The following GTF2F2 variants were observed in gnomAD, a reference collection of about 807,000 sequenced individuals.
GTF2F2 encodes general transcription factor IIF subunit 2.
Under a neutral mutation model 42.2 loss-of-function variants are expected in GTF2F2, and 23 were observed. The ratio of observed to expected loss-of-function variants is 0.55; its 90% CI spans 0.39 to 0.77. GTF2F2 has a LOEUF of 0.77. Ranked by LOEUF, GTF2F2 falls within the 30% of genes least tolerant of loss-of-function variation. The probability of loss-of-function intolerance (pLI) is 0.00; values close to 1 mark genes in which losing one functional copy is unlikely to be tolerated. For synonymous variants in GTF2F2, 105 were observed against 100.8 expected (o/e 1.04, Z -0.25); for missense variants, 261 against 287.2 (o/e 0.91, Z 0.66).
chr13:45,139,469 T>C (rs1869809418), intron 2 of GTF2F2, among the ~76,000 whole-genome samples: 2 of 152,182 alleles, frequency 1.3e-5, no homozygotes, highest in African/African-American at 2.4e-5. Flanking sequence ...TATTCTTCTG[T>C]TTTTTCTCTC....
chr13:45,248,609 G>A (rs1419719976), intron 5 of GTF2F2, among the ~76,000 whole-genome samples: 3 of 152,074 alleles, frequency 2.0e-5, no homozygotes, highest in Non-Finnish European at 4.4e-5. Flanking sequence ...GAGTAGCTGG[G>A]ATTACAGGCG....
intron 1 of GTF2F2, among the ~76,000 whole-genome samples, chr13:45,121,880 G>T (rs1868653681): frequency 6.6e-6 from 1 of 151,956 alleles, no homozygotes; most frequent in Admixed American, 6.6e-5. Flanking sequence ...CTCTCCAGCA[G>T]CATGTTACTT....
chr13:45,244,383 A>T (rs1875479620), intron 5 of GTF2F2, among the ~76,000 whole-genome samples: 1 of 152,180 alleles, frequency 6.6e-6, no homozygotes, highest in African/African-American at 2.4e-5. Context: ...TATTGAGATG[A>T]TATAGGAAAA....
intron 4 of GTF2F2, among the ~76,000 whole-genome samples, chr13:45,205,628 C>T (rs1482352174): frequency 2.0e-5 from 3 of 151,972 alleles, no homozygotes. Flanking sequence ...CAAGCGATTC[C>T]CTTGCCTCAG....
chr13:45,234,185 A>T lies in GTF2F2; in HGVS notation c.387-18686A>T, dbSNP rs117786001. Among the ~76,000 whole-genome samples, 39 of 152,352 alleles carry T rather than the reference A, an allele frequency of 2.6e-4. No homozygotes were observed. In the East Asian group the frequency reaches 7.1e-3, roughly 28 times the overall value. On this transcript the variant is annotated intron_variant, in intron 5 of 7. Transcript: ENST00000340473. ...CCATCCATGCATGTTGATGATGCAG[A>T]AAACATTTTTATACATTTGTTTTGG...
Position 45,149,884 on chromosome 13 carries a change from C to T in GTF2F2, c.159+96C>T, listed in dbSNP as rs1180513824. The T allele has an allele frequency of 4.3e-6, 5 of 1,163,380 alleles. No homozygotes were observed. The East Asian group carries it at 1.4e-4, about 32-fold the overall frequency. The allele number at this position is 1,163,380 out of a possible 1,614,324, so 72.1% of individuals were successfully genotyped here. A position where few individuals can be genotyped will look rare whatever the true frequency, so the allele number is the denominator to read the frequency against. On this transcript the variant is annotated intron_variant, in intron 3 of 7. Transcript: ENST00000340473. ...AGTGTTTGAATTTTGGAAAACTCCACATCAAGTGCATGGCTGATGGTTAAG... is the reference window on the plus strand; with the variant it reads ...AGTGTTTGAATTTTGGAAAACTCCATATCAAGTGCATGGCTGATGGTTAAG...
intron 2 of GTF2F2, among the ~76,000 whole-genome samples, chr13:45,142,684 A>G (rs774296553): frequency 7.9e-5 from 12 of 152,200 alleles, no homozygotes; most frequent in Non-Finnish European, 1.5e-4. Flanking sequence ...GACTGCTATG[A>G]AAATGCTTGA....
At chr13:45,220,761 T>C (rs972309917) in intron 5 of GTF2F2, 3 of 152,160 alleles carry the variant, frequency 2.0e-5, no homozygotes, top group Admixed American at 6.5e-5. Context: ...TAAGAGTCAC[T>C]GATCGAGTGT....
At chr13:45,212,463 C>CTTTTCTTTTCTTTTCTTTTCT (rs376424917) in intron 5 of GTF2F2, among the ~76,000 whole-genome samples, 2,798 of 27,390 alleles carry the variant, frequency 0.1, 220 homozygotes, top group Middle Eastern at 0.2. Flanking sequence ...TTCTTTCTTT[C>CTTTTCTTTTCTTTTCTTTTCT]TTTCTTTCTT....
intron 4 of GTF2F2, among the ~76,000 whole-genome samples, chr13:45,169,238 G>A (rs1019553776): frequency 1.1e-4 from 16 of 152,070 alleles, no homozygotes; most frequent in Non-Finnish European, 1.6e-4. Flanking sequence ...GTAAAGAGGC[G>A]ATGAATTTAA....
chr13:45,182,313 G>T (rs1414263993), intron 4 of GTF2F2, among the ~76,000 whole-genome samples: 1 of 151,950 alleles, frequency 6.6e-6, no homozygotes, highest in Non-Finnish European at 1.5e-5. Context: ...GCTACGCCCG[G>T]CTAACTTTTG....
chr13:45,219,244 G>T (rs1261109738), intron 5 of GTF2F2: 1 of 152,094 alleles, frequency 6.6e-6, no homozygotes, highest in African/African-American at 2.4e-5. Flanking sequence ...CCAAGGTCAT[G>T]ATTTGTAAAT....
chr13:45,221,846 T>C (rs1213842963), intron 5 of GTF2F2, among the ~76,000 whole-genome samples: 1 of 152,034 alleles, frequency 6.6e-6, no homozygotes, highest in Non-Finnish European at 1.5e-5. Context: ...ACAGCAGCCA[T>C]AGTTGCCACC....
At chr13:45,143,766 A>C (rs894255986) in intron 2 of GTF2F2, among the ~76,000 whole-genome samples, 1 of 152,178 alleles carries the variant, frequency 6.6e-6, no homozygotes, top group Non-Finnish European at 1.5e-5. Flanking sequence ...CTCTTCCTGA[A>C]TTTGGTTCTG....
intron 5 of GTF2F2, among the ~76,000 whole-genome samples, chr13:45,224,481 C>T (rs1225502767): frequency 6.6e-6 from 1 of 152,084 alleles, no homozygotes; most frequent in African/African-American, 2.4e-5. Flanking sequence ...GCTGAGATGC[C>T]CTTTTTTCCC....
At chr13:45,258,757 G>A (rs749364544) in intron 6 of GTF2F2, among the ~76,000 whole-genome samples, 2 of 151,996 alleles carry the variant, frequency 1.3e-5, no homozygotes, top group Admixed American at 6.6e-5. Flanking sequence ...TTTTTATCTT[G>A]TGTATGCTTA....
intron 2 of GTF2F2, among the ~76,000 whole-genome samples, chr13:45,146,090 C>T (rs576203831): frequency 6.6e-6 from 1 of 152,260 alleles, no homozygotes; most frequent in Admixed American, 6.5e-5. Flanking sequence ...CTCTTCACCC[C>T]ATTTGGACTA....
chr13:45,222,812 A>T (rs1874172807), intron 5 of GTF2F2, among the ~76,000 whole-genome samples: 1 of 152,196 alleles, frequency 6.6e-6, no homozygotes, highest in African/African-American at 2.4e-5. Context: ...TTTCAAAAAG[A>T]TAAATACTAA....
At chr13:45,269,458 C>T (rs1320895842) in intron 7 of GTF2F2, among the ~76,000 whole-genome samples, 1 of 152,168 alleles carries the variant, frequency 6.6e-6, no homozygotes, top group Non-Finnish European at 1.5e-5. Flanking sequence ...GCATGGATTC[C>T]AGTCCATTGA....
Sources: gnomAD v4.1 joint callset for allele counts (sites outside exome capture counted in the v4.1 genomes callset) on GRCh38, gnomAD v4.1.1 for gene constraint, MANE v1.5 for transcripts, NCBI Gene and HGNC (gene_info 2026-07-23, HGNC 2026-07-21) for gene names.